The following DHX8 variants were observed in gnomAD, a reference collection of about 807,000 sequenced individuals.
The protein encoded by DHX8 is ATP-dependent RNA helicase DHX8.
DHX8 carries 67 observed loss-of-function variants against 140.7 expected under a neutral mutation model. The observed-to-expected ratio is 0.48, with a 90% CI of 0.39 to 0.58. The LOEUF is 0.58. DHX8 is among the 20% of genes least tolerant of loss of function. The pLI, the probability that DHX8 is intolerant of heterozygous loss-of-function variation, is 0.00. For missense variants in DHX8, 887 were observed against 1,550.7 expected (o/e 0.57, Z 7.19); for synonymous variants, 533 against 553.2 (o/e 0.96, Z 0.51).
At position 43,524,254 on chromosome 17, in the gene DHX8, C is replaced by T. The variant is rs57830383; in HGVS notation, c.*407C>T. 3,315 of 1,026,492 alleles carry T rather than the reference C, an allele frequency of 3.2e-3. 80 individuals are homozygous for T. The African/African-American group carries it at 0.053, about 16-fold the overall frequency. The allele number at this position is 1,026,492 out of a possible 1,614,324, so 63.6% of individuals were successfully genotyped here. A position where few individuals can be genotyped will look rare whatever the true frequency, so the allele number is the denominator to read the frequency against. On this transcript the variant is annotated 3_prime_UTR_variant, in exon 23 of 23. Coordinates refer to ENST00000262415, the MANE Select transcript of DHX8 (RefSeq NM_004941.3). ...TCTAAAGTGTTTGCCCCACTTCCCA[C>T]CCCGTCTCCAGCCCCTGTACTTTGG...
Position 43,492,915 on chromosome 17 carries a change from G to A in DHX8, c.738G>A (p.Leu246=), listed in dbSNP as rs1968622470. The A allele has an allele frequency of 3.7e-6, 6 of 1,614,082 alleles. No homozygotes were observed. Among genetic ancestry groups the A allele is most frequent in the Non-Finnish European group, 5.1e-6 (6 of 1,180,048 alleles). ...GGGACAAATATGGAGAGCGGAATCTGGATAGATGGCGGGATAAGCATGTGG... is the reference window on the plus strand; with the variant it reads ...GGGACAAATATGGAGAGCGGAATCTAGATAGATGGCGGGATAAGCATGTGG... ...KDRDKYGERN[L]DRWRDKHVDR... Residue 246 remains leucine, a synonymous_variant, in exon 6 of 23, where the codon CTG becomes CTA. Coordinates refer to ENST00000262415, the MANE Select transcript of DHX8 (RefSeq NM_004941.3).
At chr17:43,484,511 C>T (rs1291721102) in intron 1 of DHX8, among the ~76,000 whole-genome samples, 2 of 152,132 alleles carry the variant, frequency 1.3e-5, no homozygotes, top group African/African-American at 4.8e-5. Flanking sequence ...TGATGGCTGA[C>T]GTTTATTGGG....
chr17:43,542,585 C>A (rs1197697537), intron 3 of DHX8, among the ~76,000 whole-genome samples: 1 of 152,134 alleles, frequency 6.6e-6, no homozygotes, highest in Admixed American at 6.5e-5. Flanking sequence ...ATCAGACACG[C>A]CCTCCTAGCC....
chr17:43,507,230 C>T (rs1269938967), intron 13 of DHX8, 33 bp downstream of exon 13: 2 of 1,570,226 alleles, frequency 1.3e-6, no homozygotes, highest in African/African-American at 2.7e-5. Flanking sequence ...CGAAAAATAC[C>T]AGAAGCAAAG....
intron 1 of DHX8, 129 bp downstream of exon 1, chr17:43,484,314 C>T (rs1598107201): frequency 8.8e-7 from 1 of 1,140,352 alleles, no homozygotes; most frequent in Non-Finnish European, 1.3e-6. Flanking sequence ...CTGTCGCAGA[C>T]ACCGGTGCCC....
intron 22 of DHX8, among the ~76,000 whole-genome samples, chr17:43,522,728 C>T (rs1167349772): frequency 1.0e-5 from 1 of 99,612 alleles, no homozygotes; most frequent in Admixed American, 1.5e-4. Flanking sequence ...GCCTGGGCAA[C>T]AAGAGCGAAA....
At chr17:43,488,812 G>A (rs750667491) in intron 1 of DHX8, among the ~76,000 whole-genome samples, 5 of 152,156 alleles carry the variant, frequency 3.3e-5, no homozygotes, top group Non-Finnish European at 7.3e-5. Flanking sequence ...CTAGGTGGCA[G>A]CGTGCCCAGG....
chr17:43,526,442 A>G (rs924279872), downstream of DHX8: 1 of 1,533,652 alleles, frequency 6.5e-7, no homozygotes, highest in Non-Finnish European at 8.7e-7. Context: ...TCCTCGGTCC[A>G]GGTTTACTTC....
chr17:43,499,280 T>G (rs1969049774), intron 10 of DHX8, among the ~76,000 whole-genome samples: 1 of 152,146 alleles, frequency 6.6e-6, no homozygotes, highest in African/African-American at 2.4e-5. Context: ...TTTGAAGGAT[T>G]TACTTGAGCA....
At chr17:43,532,859 T>C (rs915905868) in intron 2 of DHX8, 2 of 1,613,004 alleles carry the variant, frequency 1.2e-6, no homozygotes, top group Admixed American at 3.3e-5. Context: ...CTGGTGTTGG[T>C]AGGGGGCTGG....
Position 43,536,439 on chromosome 17 carries a change from G to A in DHX8, c.378G>A (p.Trp126Ter). ...ACCTCTACTCACGGTTTTCTGAATG[G>A]AAATCAGGAACAAACTGCTCATCAC... Residue 126 changes from tryptophan to a stop codon, truncating the protein, a stop_gained, in exon 3 of 4, where the codon TGG (tryptophan) becomes TGA (stop). Coordinates refer to the DHX8 transcript ENST00000589898. LOFTEE classifies it high-confidence loss of function. 6.2e-7 allele frequency: 1 copy of A among 1,614,202 alleles called. No homozygotes were observed.
Position 43,517,281 on chromosome 17 carries a change from A to G in DHX8, c.2758A>G (p.Ile920Val), listed in dbSNP as rs749089987. 1 of 1,614,192 alleles carries G rather than the reference A, an allele frequency of 6.2e-7. No individual in the cohort carries two copies. The highest frequency in any genetic ancestry group is 1.1e-5 in the South Asian group (1 of 91,074). The change falls in exon 18 of 23, where the codon ATC becomes GTC. Residue 920 changes from isoleucine to valine, a missense_variant. Coordinates refer to ENST00000262415, the MANE Select transcript of DHX8 (RefSeq NM_004941.3). ...AATGCTGACCACCAACGTGCCGGAA[A>G]TCCAGAGAACCAACTTAGCAAGCAC... is the stretch of plus-strand genomic sequence containing the variant. Reference protein sequence around the residue: ...DEMLTTNVPEIQRTNLASTVL... With the variant: ...DEMLTTNVPEVQRTNLASTVL...
At chr17:43,489,714 C>G (rs950113950) in intron 2 of DHX8, among the ~76,000 whole-genome samples, 180 bp downstream of exon 2, 1 of 151,104 alleles carries the variant, frequency 6.6e-6, no homozygotes, top group African/African-American at 2.5e-5. Context: ...CCTCAGTCTC[C>G]CAAGTAGCTG....
At chr17:43,529,764 G>A, downstream of DHX8, 1 of 1,591,582 alleles carries the variant, frequency 6.3e-7, no homozygotes, top group Admixed American at 1.7e-5. Flanking sequence ...TCTCGAAGGG[G>A]TCTCCCCAGG....
intron 11 of DHX8, 142 bp downstream of exon 11, chr17:43,500,245 G>C: frequency 1.1e-6 from 1 of 905,604 alleles, no homozygotes; most frequent in Non-Finnish European, 1.6e-6. Flanking sequence ...AGCACTTTGG[G>C]AGGCCAAGGC....
At chr17:43,521,278 T>C in intron 20 of DHX8, 91 bp from the exon 21 acceptor site, 1 of 1,102,492 alleles carries the variant, frequency 9.1e-7, no homozygotes, top group South Asian at 1.6e-5. Context: ...TGGACACTTT[T>C]GATAGGGTCT....
At chr17:43,531,380 C>T (rs1970927803), downstream of DHX8, among the ~76,000 whole-genome samples, 1 of 152,172 alleles carries the variant, frequency 6.6e-6, no homozygotes, top group African/African-American at 2.4e-5. Context: ...GCATCTCACT[C>T]CAGTCAACAG....
chr17:43,529,760 A>C (rs1053732275), downstream of DHX8: 43 of 1,591,380 alleles, frequency 2.7e-5, no homozygotes, highest in African/African-American at 5.8e-4. Flanking sequence ...GATTTCTCGA[A>C]GGGGTCTCCC....
intron 17 of DHX8, among the ~76,000 whole-genome samples, chr17:43,516,492 T>C (rs1970119759): frequency 6.6e-6 from 1 of 152,172 alleles, no homozygotes; most frequent in Non-Finnish European, 1.5e-5. Flanking sequence ...TTGCCCAGGC[T>C]GTAGTGCAGT....
Sources: gnomAD v4.1 joint callset for allele counts (sites outside exome capture counted in the v4.1 genomes callset) on GRCh38, gnomAD v4.1.1 for gene constraint, MANE v1.5 for transcripts, NCBI Gene and HGNC (gene_info 2026-07-23, HGNC 2026-07-21) for gene names.